PLA2G4C: variants seen among roughly 807,000 people sequenced by gnomAD.
PLA2G4C encodes the protein cytosolic phospholipase A2 gamma.
Under a neutral mutation model 73.8 loss-of-function variants are expected in PLA2G4C, and 64 were observed. That is an observed-to-expected ratio of 0.87 (90% CI 0.71 to 1.07). PLA2G4C has a LOEUF of 1.07. PLA2G4C is among the 50% of genes least tolerant of loss of function. The pLI is 0.00. For missense variants in PLA2G4C, 622 were observed against 665.4 expected, an observed-to-expected ratio of 0.93 and a Z score of 0.72; for synonymous variants, 254 against 252.1, an observed-to-expected ratio of 1.01 and a Z score of -0.07.
intron 11 of PLA2G4C, among the ~76,000 whole-genome samples, chr19:48,075,096 C>T (rs543073411): frequency 2.6e-5 from 4 of 152,190 alleles, no homozygotes; most frequent in East Asian, 1.9e-4. Context: ...ATCTCTGCCT[C>T]CACCTCTACT....
At chr19:48,065,834 G>C (rs1376456287) in intron 13 of PLA2G4C, among the ~76,000 whole-genome samples, 1 of 151,704 alleles carries the variant, frequency 6.6e-6, no homozygotes, top group African/African-American at 2.4e-5. Context: ...GGTGGCTCAC[G>C]CCTGTAATCC....
Position 48,099,671 on chromosome 19 carries a change from T to C in PLA2G4C, c.447A>G (p.Glu149=). ...AYMVISKQTR[E]LPESHLSNMK... The stretch of plus-strand genomic sequence containing the variant: ...AGGTCCCCAGCTGGGAATGACTTAC[T>C]TCTCTGGTTTGCTTAGAGATAACCA... Residue 149 remains glutamate (E), a splice_region_variant and synonymous_variant, in exon 5 of 17, where the codon GAA becomes GAG. Transcript: ENST00000599921. The C allele has an allele frequency of 6.2e-7, 1 of 1,611,678 alleles. No homozygotes were observed. The highest frequency in any genetic ancestry group is 8.5e-7 in the Non-Finnish European group (1 of 1,178,640).
intron 9 of PLA2G4C, among the ~76,000 whole-genome samples, chr19:48,087,315 T>C (rs1600223630): frequency 1.3e-5 from 2 of 152,182 alleles, no homozygotes; most frequent in African/African-American, 4.8e-5. Context: ...TAAGGGGATG[T>C]CTTTCCCCTC....
intron 10 of PLA2G4C, among the ~76,000 whole-genome samples, chr19:48,083,568 T>C (rs404954): frequency 0.63 from 94,187 of 150,018 alleles, 30,135 homozygotes; most frequent in African/African-American, 0.75. Flanking sequence ...CTGCCTCAGC[T>C]TCCCGTGTAG....
In PLA2G4C at chr19:48,055,409, A is replaced by G. The variant is rs1043425764; in HGVS notation, c.1258-360T>C. Among the ~76,000 whole-genome samples, 52 of 148,532 alleles carry G rather than the reference A, an allele frequency of 3.5e-4. 4 individuals are homozygous for G. The highest frequency in any genetic ancestry group is 2.2e-3 in the East Asian group (11 of 5,096). ...CTACAGTATATATATATATATATAT[A>G]TTTCAATTAGCCAGGCATGGGGGCG... On this transcript the variant is annotated intron_variant, in intron 14 of 16. Transcript: ENST00000599921.
At chr19:48,105,082 C>CAAAAAAAAAAAAAAA (rs3083068) in intron 3 of PLA2G4C, among the ~76,000 whole-genome samples, 1 of 87,592 alleles carries the variant, frequency 1.1e-5, no homozygotes. Flanking sequence ...GACGTTGTCT[C>CAAAAAAAAAAAAAAA]AAAAAAAAAA....
chr19:48,096,175 G>C (rs560298782), intron 6 of PLA2G4C, among the ~76,000 whole-genome samples: 33 of 152,188 alleles, frequency 2.2e-4, no homozygotes, highest in Middle Eastern at 3.4e-3. Flanking sequence ...AATGAGGAGG[G>C]GGTGATTTCT....
At chr19:48,093,906 T>C (rs2031440015) in intron 7 of PLA2G4C, among the ~76,000 whole-genome samples, 1 of 152,206 alleles carries the variant, frequency 6.6e-6, no homozygotes, top group Non-Finnish European at 1.5e-5. Context: ...TTTGGCTTGC[T>C]CTTCTCTCTC....
chr19:48,105,908 TCCC>T (rs1568457330), intron 2 of PLA2G4C, among the ~76,000 whole-genome samples: 59 of 4,462 alleles, frequency 0.013, 14 homozygotes, highest in African/African-American at 0.12. Flanking sequence ...CCTCCCTCCC[TCCC>T]TCCCTCCCTC....
At chr19:48,066,207 A>G (rs187368228) in intron 13 of PLA2G4C, among the ~76,000 whole-genome samples, 2 of 151,906 alleles carry the variant, frequency 1.3e-5, no homozygotes, top group African/African-American at 4.8e-5. Flanking sequence ...GACTGAACCC[A>G]TTTTTCAGGT....
chr19:48,088,588 T>G, intron 9 of PLA2G4C, 98 bp downstream of exon 9: 1 of 826,582 alleles, frequency 1.2e-6, no homozygotes, highest in Non-Finnish European at 2.1e-6. Context: ...GGGCACCAAA[T>G]GAATCATACA....
chr19:48,067,563 GC>G (rs753395300), intron 13 of PLA2G4C, among the ~76,000 whole-genome samples: 11 of 152,142 alleles, frequency 7.2e-5, no homozygotes, highest in Non-Finnish European at 1.0e-4. Flanking sequence ...CATCAGTGAG[GC>G]TTTTCACGAT....
rs2032452365 is a variant in PLA2G4C, at chr19:48,110,540, A to G, written c.-86T>C. On this transcript the variant is annotated 5_prime_UTR_variant, in exon 1 of 17. Coordinates refer to ENST00000599921, the MANE Select transcript of PLA2G4C (RefSeq NM_003706.3). ...TGCGCGGTGGAGCTTGTGCTCCGGA[A>G]TCCGGTGCGGAGGCTTGGGCTCCCT... 8 of 1,532,342 alleles carry G rather than the reference A, an allele frequency of 5.2e-6. No homozygotes were observed. The highest frequency in any genetic ancestry group is 7.0e-6 in the Non-Finnish European group (8 of 1,142,414). The allele number at this position is 1,532,342 out of a possible 1,614,324, so 94.9% of individuals were successfully genotyped here. A position where few individuals can be genotyped will look rare whatever the true frequency, so the allele number is the denominator to read the frequency against.
At position 48,101,104 on chromosome 19, in the gene PLA2G4C, C is replaced by CTATATA. The variant is rs869065676; in HGVS notation, c.258-1250_258-1245dup. On this transcript the variant is annotated intron_variant, in intron 4 of 16. Transcript: ENST00000599921. Reference sequence around the variant, plus strand: ...AGGGAGCTGGTGTGTCACATAGAGTCTATATATATATATATATATATATTT... The same window carrying CTATATA: ...AGGGAGCTGGTGTGTCACATAGAGTCTATATATATATATATATATATATATATATTT... Among the ~76,000 whole-genome samples the CTATATA allele has an allele frequency of 3.1e-3, 323 of 103,304 alleles. 5 individuals are homozygous for CTATATA. The highest frequency in any genetic ancestry group is 0.013 in the African/African-American group (296 of 22,218). 67.8% of individuals were successfully genotyped at this position (103,304 alleles called of 152,430 possible).
chr19:48,082,184 A>G (rs2030617800), intron 10 of PLA2G4C, among the ~76,000 whole-genome samples: 1 of 152,146 alleles, frequency 6.6e-6, no homozygotes, highest in African/African-American at 2.4e-5. Context: ...TTCATCGTGT[A>G]ACAGAAACCA....
chr19:48,081,315 T>C (rs2030548042), intron 10 of PLA2G4C, among the ~76,000 whole-genome samples: 1 of 152,246 alleles, frequency 6.6e-6, no homozygotes. Context: ...GCCATCATTC[T>C]AAGTAAAGTA....
At position 48,110,500 on chromosome 19, in the gene PLA2G4C, T is replaced by A; in HGVS notation, c.-46A>T. ...CCCACGGCTTGCCTGAGCCTGGGTC[T>A]GGGGCGTGTGCGCATGCGCGGTGGA... On this transcript the variant is annotated 5_prime_UTR_variant, in exon 1 of 17. An upstream open reading frame in the 5' UTR gains an earlier in-frame stop. Transcript: ENST00000599921. 8.4e-7 allele frequency: 1 copy of A among 1,185,238 alleles called. No individual in the cohort carries two copies. The highest frequency in any genetic ancestry group is 5.9e-5 in the East Asian group (1 of 16,936). 73.4% of individuals were successfully genotyped at this position (1,185,238 alleles called of 1,614,324 possible).
rs1837083532 is a variant in PLA2G4C, at chr19:48,110,695, C to T, written c.-241G>A. On this transcript the variant is annotated 5_prime_UTR_variant, in exon 1 of 17. Coordinates refer to ENST00000599921, the MANE Select transcript of PLA2G4C (RefSeq NM_003706.3). ...CTTTTCCCCCTGTGGGAGGAGGTCG[C>T]GGGCTGGAGGTGTTTCCTCCTGGTC... is the stretch of plus-strand genomic sequence containing the variant. The T allele has an allele frequency of 5.7e-6, 3 of 525,048 alleles. No homozygotes were observed. The highest frequency in any genetic ancestry group is 9.8e-6 in the Non-Finnish European group (3 of 305,690). 32.5% of individuals were successfully genotyped at this position (525,048 alleles called of 1,614,324 possible). A position where few individuals can be genotyped will look rare whatever the true frequency, so the allele number is the denominator to read the frequency against.
At position 48,066,019 on chromosome 19, in the gene PLA2G4C, G is replaced by T. The variant is rs1864106; in HGVS notation, c.1102+1772C>A. Among the ~76,000 whole-genome samples the T allele has an allele frequency of 4.0e-5, 6 of 151,338 alleles. No homozygotes were observed. The East Asian group carries it at 5.8e-4, about 15-fold the overall frequency. The stretch of plus-strand genomic sequence containing the variant: ...GGAGAATCGCTTAAACCCAGGAGGC[G>T]GAGGTTGCGGTGAGCTGAGATCGCG... On this transcript the variant is annotated intron_variant, in intron 13 of 16. Coordinates refer to ENST00000599921, the MANE Select transcript of PLA2G4C (RefSeq NM_003706.3).
Sources: allele counts gnomAD v4.1 joint callset (sites outside exome capture counted in the v4.1 genomes callset), GRCh38; gene constraint gnomAD v4.1.1; transcripts MANE v1.5; gene names NCBI Gene and HGNC (gene_info 2026-07-23, HGNC 2026-07-21).